TRAPPC9: variants seen among roughly 807,000 people sequenced by gnomAD.
TRAPPC9 encodes the protein trafficking protein particle complex subunit 9, also known as IKK2 binding protein.
In TRAPPC9, 83 loss-of-function variants were observed where a neutral mutation model predicts 124.0. That is an observed-to-expected ratio of 0.67 (90% CI 0.56 to 0.80). The LOEUF is 0.80. TRAPPC9 is among the 30% of genes least tolerant of loss of function. The pLI, the probability that TRAPPC9 is intolerant of heterozygous loss-of-function variation, is 0.00. For synonymous variants in TRAPPC9, 638 were observed against 617.5 expected (o/e 1.03, Z -0.49); for missense variants, 1,302 against 1,508.3 (o/e 0.86, Z 2.27).
intron 7 of TRAPPC9, among the ~76,000 whole-genome samples, chr8:140,388,476 G>T (rs1175579499): frequency 6.6e-6 from 1 of 152,058 alleles, no homozygotes; most frequent in African/African-American, 2.4e-5. Context: ...CTGAAGTTGG[G>T]AGTTTGAGAC....
intron 9 of TRAPPC9, among the ~76,000 whole-genome samples, chr8:140,331,745 T>A (rs1409312029): frequency 6.6e-6 from 1 of 151,970 alleles, no homozygotes; most frequent in Non-Finnish European, 1.5e-5. Context: ...TCACTAATCA[T>A]CAGGGAAATG....
intron 19 of TRAPPC9, among the ~76,000 whole-genome samples, chr8:139,910,627 C>T (rs555516046): frequency 4.6e-5 from 7 of 152,254 alleles, no homozygotes; most frequent in Non-Finnish European, 8.8e-5. Flanking sequence ...AGCTGGATGG[C>T]GACTTAAACT....
At chr8:139,982,618 T>C (rs1433887290) in intron 19 of TRAPPC9, among the ~76,000 whole-genome samples, 1 of 152,210 alleles carries the variant, frequency 6.6e-6, no homozygotes, top group African/African-American at 2.4e-5. Flanking sequence ...AGTTAACTAA[T>C]GGTCCTTAAT....
intron 7 of TRAPPC9, among the ~76,000 whole-genome samples, chr8:140,381,420 C>T (rs916534952): frequency 1.3e-5 from 2 of 151,972 alleles, no homozygotes; most frequent in Admixed American, 6.6e-5. Flanking sequence ...GTAATTCCAG[C>T]ACTTTGGGAG....
intron 19 of TRAPPC9, among the ~76,000 whole-genome samples, chr8:139,926,756 A>C (rs116423403): frequency 2.6e-4 from 39 of 152,276 alleles, no homozygotes; most frequent in African/African-American, 8.7e-4. Context: ...TCCTGAATGG[A>C]GAACAGTAGA....
chr8:140,205,947 A>T (rs2062907298), intron 17 of TRAPPC9, among the ~76,000 whole-genome samples: 2 of 152,074 alleles, frequency 1.3e-5, no homozygotes, highest in Admixed American at 1.3e-4. Context: ...CTTATTTCCA[A>T]CCCTCACCAT....
At position 140,337,733 on chromosome 8, in the gene TRAPPC9, T is replaced by C. The variant is rs185440180; in HGVS notation, c.1495+22317A>G. 2.6e-3 allele frequency among the ~76,000 whole-genome samples: 402 copies of C among 151,892 alleles called. 1 individual carries two copies. Among genetic ancestry groups the C allele is most frequent in the African/African-American group, 9.5e-3 (393 of 41,352 alleles). ...CACGTGATCAGCGGTGCTGTGAGAG[T>C]GGCTGTGGGAACAGAGGGAGGTGGA... On this transcript the variant is annotated intron_variant, in intron 9 of 22. Coordinates refer to ENST00000438773, the MANE Select transcript of TRAPPC9 (RefSeq NM_001160372.4).
At chr8:140,440,736 A>T (rs1009587053) in intron 2 of TRAPPC9, among the ~76,000 whole-genome samples, 1 of 152,044 alleles carries the variant, frequency 6.6e-6, no homozygotes, top group African/African-American at 2.4e-5. Context: ...AGAGGCATGC[A>T]GTCCATAGCT....
intron 21 of TRAPPC9, among the ~76,000 whole-genome samples, chr8:139,805,939 C>T (rs891576007): frequency 9.9e-5 from 15 of 152,188 alleles, no homozygotes; most frequent in Non-Finnish European, 2.1e-4. Context: ...ACAATGTATC[C>T]ATATAATCAC....
rs377552482 is a variant in TRAPPC9, at chr8:140,268,263, C to A, written c.2278+7395G>T. On this transcript the variant is annotated intron_variant, in intron 15 of 22. Coordinates refer to ENST00000438773, the MANE Select transcript of TRAPPC9 (RefSeq NM_001160372.4). Reference sequence around the variant, plus strand: ...AACCGAGTCCTATACTGTCTCTGCTCCGCCTCCCTCACCCTCCCCACCACC... The same window carrying A: ...AACCGAGTCCTATACTGTCTCTGCTACGCCTCCCTCACCCTCCCCACCACC... 1.0e-4 allele frequency among the ~76,000 whole-genome samples: 12 copies of A among 114,730 alleles called. No homozygotes were observed. The South Asian group carries it at 1.5e-3, about 14-fold the overall frequency. 75.3% of individuals were successfully genotyped at this position (114,730 alleles called of 152,430 possible).
At chr8:140,261,625 C>G (rs1299209225) in intron 15 of TRAPPC9, among the ~76,000 whole-genome samples, 1 of 152,214 alleles carries the variant, frequency 6.6e-6, no homozygotes, top group African/African-American at 2.4e-5. Context: ...ATATCTCATT[C>G]TTTCAGCTCT....
chr8:140,242,795 G>A (rs1425886404), intron 16 of TRAPPC9, among the ~76,000 whole-genome samples: 1 of 152,248 alleles, frequency 6.6e-6, no homozygotes, highest in Non-Finnish European at 1.5e-5. Context: ...AGTCAGTGTG[G>A]CACGGCACGG....
chr8:140,382,209 T>C (rs2068629130), intron 7 of TRAPPC9, among the ~76,000 whole-genome samples: 2 of 152,176 alleles, frequency 1.3e-5, no homozygotes, highest in South Asian at 4.1e-4. Context: ...GCTCCCAGCG[T>C]GAGCGACACA....
At chr8:140,368,617 A>C (rs1334142921) in intron 8 of TRAPPC9, among the ~76,000 whole-genome samples, 1 of 152,140 alleles carries the variant, frequency 6.6e-6, no homozygotes, top group Admixed American at 6.6e-5. Context: ...TCCAGAGCAG[A>C]AGTGCCCTCC....
At position 140,435,245 on chromosome 8, in the gene TRAPPC9, G is replaced by T. The variant is rs763715576; in HGVS notation, c.731-5C>A. The T allele has an allele frequency of 1.4e-5, 23 of 1,612,028 alleles. No individual in the cohort carries two copies. In the Admixed American group the frequency reaches 3.7e-4, roughly 26 times the overall value. ...AACACAATCCTTCCAGGGCAGCTGG[G>T]CATTAAGAAAACAAAAAACAAAAAC... On this transcript the variant is annotated splice_region_variant and splice_polypyrimidine_tract_variant and intron_variant, in intron 3 of 22. Coordinates refer to ENST00000438773, the MANE Select transcript of TRAPPC9 (RefSeq NM_001160372.4).
rs4329254 is a variant in TRAPPC9 at position 140,382,136 on chromosome 8, G to A, written c.1135-10956C>T. Among the ~76,000 whole-genome samples the A allele has an allele frequency of 8.9e-3, 1,350 of 152,302 alleles. 24 individuals carry two copies. Among genetic ancestry groups the A allele is most frequent in the African/African-American group, 0.03 (1,245 of 41,560 alleles). ...TATCTCCATATAGCGGATACTAAGTGGCCATAAGAAGGAATGAAGTGGCGG... is the reference window on the plus strand; with the variant it reads ...TATCTCCATATAGCGGATACTAAGTAGCCATAAGAAGGAATGAAGTGGCGG... On this transcript the variant is annotated intron_variant, in intron 7 of 22. Coordinates refer to ENST00000438773, the MANE Select transcript of TRAPPC9 (RefSeq NM_001160372.4).
At chr8:140,327,221 C>G (rs1475237829) in intron 9 of TRAPPC9, among the ~76,000 whole-genome samples, 2 of 152,128 alleles carry the variant, frequency 1.3e-5, no homozygotes, top group Non-Finnish European at 2.9e-5. Flanking sequence ...CCACTGCACT[C>G]CAGCCTGGGC....
intron 21 of TRAPPC9, among the ~76,000 whole-genome samples, chr8:139,794,159 C>T (rs1192455683): frequency 6.6e-6 from 1 of 152,154 alleles, no homozygotes; most frequent in East Asian, 1.9e-4. Flanking sequence ...TCACGCCTGC[C>T]CCGTGCCACC....
intron 16 of TRAPPC9, among the ~76,000 whole-genome samples, chr8:140,250,575 T>C (rs1036670826): frequency 6.6e-5 from 10 of 152,114 alleles, no homozygotes; most frequent in African/African-American, 2.4e-4. Flanking sequence ...GATTGTCTCG[T>C]GCTTCCTCAG....
Sources: allele counts gnomAD v4.1 joint callset (sites outside exome capture counted in the v4.1 genomes callset), GRCh38; gene constraint gnomAD v4.1.1; transcripts MANE v1.5; gene names NCBI Gene and HGNC (gene_info 2026-07-23, HGNC 2026-07-21).